The following STAC2 variants were observed in gnomAD, a reference collection of about 807,000 sequenced individuals.
STAC2 encodes SH3 and cysteine-rich domain-containing protein 2.
A neutral mutation model predicts 49.0 loss-of-function variants in STAC2; 36 were observed. The observed-to-expected ratio is 0.74, with a 90% CI of 0.56 to 0.97. The LOEUF (loss-of-function observed/expected upper bound fraction) is 0.97, where lower values mean the gene tolerates loss of function less well. Ranked by LOEUF, STAC2 falls within the 50% of genes least tolerant of loss-of-function variation. The pLI is 0.00. For missense variants in STAC2, 527 were observed against 543.8 expected, an observed-to-expected ratio of 0.97 and a Z score of 0.31; for synonymous variants, 239 against 214.7, an observed-to-expected ratio of 1.11 and a Z score of -0.99.
At position 39,213,121 on chromosome 17, in the gene STAC2, G is replaced by A. The variant is rs746236419; in HGVS notation, c.1005C>T (p.Gly335=). The change falls in exon 10 of 11, where the codon GGC becomes GGT. Residue 335 remains glycine, a synonymous_variant. Transcript: ENST00000333461. ...TAGCTGGGAAGAAGCCAACCCGGTC[G>A]CCGATCTTGCCCTGGGGATGAGGTT... The part of the protein sequence containing the change: ...SNEDWWKGKI[G]DRVGFFPANF... 6.2e-6 allele frequency: 10 copies of A among 1,608,032 alleles called. No homozygotes were observed. Among genetic ancestry groups the A allele is most frequent in the Admixed American group, 3.3e-5 (2 of 59,994 alleles).
Position 39,210,866 on chromosome 17 carries a change from G to C in STAC2, c.*1426C>G, listed in dbSNP as rs765683723. The stretch of plus-strand genomic sequence containing the variant: ...GGGAGGGAGGTTGGCACCGAGAAAA[G>C]CAGCTGTATTAAGAGAGGGGTCCTC... On this transcript the variant is annotated 3_prime_UTR_variant, in exon 11 of 11. Coordinates refer to ENST00000333461, the MANE Select transcript of STAC2 (RefSeq NM_198993.5). 6.6e-6 allele frequency: 1 copy of C among 152,342 alleles called. No homozygotes were observed. The highest frequency in any genetic ancestry group is 1.5e-5 in the Non-Finnish European group (1 of 68,116). The allele number at this position is 152,342 out of a possible 1,614,324, so 9.4% of individuals were successfully genotyped here. A position where few individuals can be genotyped will look rare whatever the true frequency, so the allele number is the denominator to read the frequency against.
chr17:39,225,789 G>A lies in STAC2; in HGVS notation c.-287C>T. On this transcript the variant is annotated 5_prime_UTR_variant, in exon 1 of 11. Transcript: ENST00000333461. This position sits in a 1 kb window ranked among gnomAD's most constrained non-coding sequence, Gnocchi z 8.2. ...TCGCAGCGCGGGGAGGAGGGAAGTG[G>A]GGCCGCGGGGATGAGCCGAGGGAGG... The A allele has an allele frequency of 9.0e-6, 4 of 445,018 alleles. No homozygotes were observed. The highest frequency in any genetic ancestry group is 1.6e-5 in the Non-Finnish European group (4 of 246,206). 27.6% of individuals were successfully genotyped at this position (445,018 alleles called of 1,614,324 possible). A position where few individuals can be genotyped will look rare whatever the true frequency, so the allele number is the denominator to read the frequency against.
chr17:39,215,034 A>G lies in STAC2; in HGVS notation c.700-11T>C. On this transcript the variant is annotated splice_polypyrimidine_tract_variant and intron_variant, in intron 5 of 10. Transcript: ENST00000333461. ...CTCATCCCGCTCACTCTAGGGACAG[A>G]GAGAGGAGAGGGCTCAGCCCCCGAG... 7 of 1,613,996 alleles carry G rather than the reference A, an allele frequency of 4.3e-6. No homozygotes were observed. Among genetic ancestry groups the G allele is most frequent in the Non-Finnish European group, 5.9e-6 (7 of 1,179,960 alleles).
chr17:39,225,646 C>A lies in STAC2; in HGVS notation c.-144G>T. 1.3e-6 allele frequency: 1 copy of A among 792,404 alleles called. No homozygotes were observed. Among genetic ancestry groups the A allele is most frequent in the Non-Finnish European group, 2.1e-6 (1 of 487,358 alleles). The allele number at this position is 792,404 out of a possible 1,614,324, so 49.1% of individuals were successfully genotyped here. ...TAGCCCCCGGCACGGCAGCCCCCAA[C>A]CCGCGGGAGCGGGCAGAGAAAGTTG... On this transcript the variant is annotated 5_prime_UTR_variant, in exon 1 of 11. Transcript: ENST00000333461. The surrounding 1 kb of genome is among the most constrained non-coding windows in gnomAD (Gnocchi z 8.2).
chr17:39,216,704 G>T, intron 4 of STAC2, 106 bp downstream of exon 4: 2 of 1,115,762 alleles, frequency 1.8e-6, no homozygotes, highest in Non-Finnish European at 2.6e-6. Context: ...CTGGGTTCAA[G>T]CAATTGAGAG....
chr17:39,225,781 G>C lies in STAC2; in HGVS notation c.-279C>G. 1 of 465,560 alleles carries C rather than the reference G, an allele frequency of 2.1e-6. No homozygotes were observed. Among genetic ancestry groups the C allele is most frequent in the Non-Finnish European group, 3.9e-6 (1 of 259,112 alleles). 28.8% of individuals were successfully genotyped at this position (465,560 alleles called of 1,614,324 possible). On this transcript the variant is annotated 5_prime_UTR_variant, in exon 1 of 11. Coordinates refer to ENST00000333461, the MANE Select transcript of STAC2 (RefSeq NM_198993.5). This position sits in a 1 kb window ranked among gnomAD's most constrained non-coding sequence, Gnocchi z 8.2. ...GATGCTGCTCGCAGCGCGGGGAGGA[G>C]GGAAGTGGGGCCGCGGGGATGAGCC...
intron 2 of STAC2, 71 bp downstream of exon 2, chr17:39,217,796 G>T (rs775379012): frequency 3.5e-6 from 5 of 1,441,228 alleles, no homozygotes; most frequent in Middle Eastern, 2.5e-4. Flanking sequence ...AATATTGGGC[G>T]CAACATGAGC....
intron 8 of STAC2, among the ~76,000 whole-genome samples, chr17:39,213,785 T>G (rs1212400481): frequency 6.7e-6 from 1 of 150,030 alleles, no homozygotes; most frequent in East Asian, 2.0e-4. Context: ...CAAGCCATTC[T>G]CCTGCCTCAG....
intron 2 of STAC2, 106 bp downstream of exon 2, chr17:39,217,761 G>A: frequency 1.7e-6 from 2 of 1,159,356 alleles, no homozygotes; most frequent in Non-Finnish European, 2.4e-6. Flanking sequence ...TTAGTATTGG[G>A]GCTCCTGAAC....
chr17:39,215,333 C>T, intron 4 of STAC2, 103 bp from the exon 5 acceptor site: 2 of 1,162,164 alleles, frequency 1.7e-6, no homozygotes, highest in Non-Finnish European at 2.5e-6. Flanking sequence ...GCCCCCTCAC[C>T]TGTCCCTCCC....
chr17:39,217,243 G>C, intron 2 of STAC2, 70 bp from the exon 3 acceptor site: 1 of 1,473,970 alleles, frequency 6.8e-7, no homozygotes, highest in Non-Finnish European at 9.4e-7. Context: ...GGCACATTAG[G>C]GGATGAGGAG....
Position 39,213,056 on chromosome 17 carries a change from C to T in STAC2, c.1070G>A (p.Arg357His), listed in dbSNP as rs560309011. The T allele has an allele frequency of 1.4e-5, 22 of 1,613,842 alleles. No homozygotes were observed. The highest frequency in any genetic ancestry group is 4.4e-5 in the South Asian group (4 of 91,090). ...GTTCCCGGAGAAGGGTTGGCAGCAGCGCCAAACATTCTCGCCTGGCCTCAC... is the reference window on the plus strand; with the variant it reads ...GTTCCCGGAGAAGGGTTGGCAGCAGTGCCAAACATTCTCGCCTGGCCTCAC... Reference protein sequence around the residue: ...QRVRPGENVWRCCQPFSGNKE... With the variant: ...QRVRPGENVWHCCQPFSGNKE... The change falls in exon 10 of 11, where the codon CGC becomes CAC. Residue 357 changes from arginine to histidine, a missense_variant. By Grantham distance (29) the Arg-to-His change is conservative. Transcript: ENST00000333461.
chr17:39,216,973 G>T, intron 3 of STAC2, 73 bp from the exon 4 acceptor site: 1 of 1,585,410 alleles, frequency 6.3e-7, no homozygotes, highest in Admixed American at 1.8e-5. Flanking sequence ...CCCAAGCCCA[G>T]GGCCCACCCC....
At chr17:39,218,993 C>T (rs766041073) in intron 1 of STAC2, among the ~76,000 whole-genome samples, 2 of 152,060 alleles carry the variant, frequency 1.3e-5, no homozygotes, top group Admixed American at 1.3e-4. Flanking sequence ...CCCATTGACT[C>T]GTCACCTCAC....
chr17:39,220,718 C>T (rs1266323520), intron 1 of STAC2, among the ~76,000 whole-genome samples: 2 of 150,086 alleles, frequency 1.3e-5, no homozygotes, highest in South Asian at 4.2e-4. Context: ...GTGATTTGCC[C>T]GCCTCGGCCT....
chr17:39,224,371 C>T (rs961521216), intron 1 of STAC2, among the ~76,000 whole-genome samples: 1 of 152,168 alleles, frequency 6.6e-6, no homozygotes, highest in East Asian at 1.9e-4. Flanking sequence ...TGGCAGGGCG[C>T]GCCCTTGGCA....
Position 39,225,793 on chromosome 17 carries a change from C to G in STAC2, c.-291G>C, listed in dbSNP as rs1422041306. On this transcript the variant is annotated 5_prime_UTR_variant, in exon 1 of 11. Coordinates refer to ENST00000333461, the MANE Select transcript of STAC2 (RefSeq NM_198993.5). This position sits in a 1 kb window ranked among gnomAD's most constrained non-coding sequence, Gnocchi z 8.2. ...AGCGCGGGGAGGAGGGAAGTGGGGC[C>G]GCGGGGATGAGCCGAGGGAGGGAGC... is the stretch of plus-strand genomic sequence containing the variant. 17 of 434,756 alleles carry G rather than the reference C, an allele frequency of 3.9e-5. No individual in the cohort carries two copies. Among genetic ancestry groups the G allele is most frequent in the Middle Eastern group, 6.4e-4 (1 of 1,558 alleles). 26.9% of individuals were successfully genotyped at this position (434,756 alleles called of 1,614,324 possible).
At chr17:39,215,054 C>T (rs1413196869) in intron 5 of STAC2, 31 bp from the exon 6 acceptor site, 5 of 1,613,916 alleles carry the variant, frequency 3.1e-6, no homozygotes, top group African/African-American at 1.3e-5. Context: ...GGGCTCAGCC[C>T]CCGAGCCCAC....
intron 10 of STAC2, 81 bp downstream of exon 10, chr17:39,212,913 AT>A: frequency 1.3e-6 from 2 of 1,564,450 alleles, no homozygotes. Flanking sequence ...CCTGCAGAGC[AT>A]TTACCCCCGC....
Sources: allele counts gnomAD v4.1 joint callset (sites outside exome capture counted in the v4.1 genomes callset), GRCh38; gene constraint gnomAD v4.1.1; non-coding constraint Gnocchi (gnomAD v3.1); transcripts MANE v1.5; gene names NCBI Gene and HGNC (gene_info 2026-07-23, HGNC 2026-07-21).